The following GABRG3 variants were observed in gnomAD, a reference collection of about 807,000 sequenced individuals.
GABRG3 encodes gamma-aminobutyric acid receptor subunit gamma-3.
In GABRG3, 25 loss-of-function variants were observed where a neutral mutation model predicts 48.8. That is an observed-to-expected ratio of 0.51 (90% CI 0.37 to 0.72). GABRG3 has a LOEUF of 0.72. GABRG3 is among the 30% of genes least tolerant of loss of function. The pLI is 0.00. For synonymous variants in GABRG3, 227 were observed against 217.6 expected (o/e 1.04, Z -0.38); for missense variants, 394 against 577.9 (o/e 0.68, Z 3.26).
At chr15:27,118,770 G>C (rs1223618017) in intron 3 of GABRG3, among the ~76,000 whole-genome samples, 1 of 152,152 alleles carries the variant, frequency 6.6e-6, no homozygotes, top group African/African-American at 2.4e-5. Context: ...TGTATTATTA[G>C]GACTTTCTGG....
chr15:27,340,110 AG>A (rs1171961970), intron 5 of GABRG3, among the ~76,000 whole-genome samples: 1 of 152,080 alleles, frequency 6.6e-6, no homozygotes, highest in African/African-American at 2.4e-5. Context: ...CCCATCTGCA[AG>A]GTGGGAATGA....
chr15:27,525,165 G>T (rs1237978640), intron 7 of GABRG3, among the ~76,000 whole-genome samples: 1 of 143,142 alleles, frequency 7.0e-6, no homozygotes, highest in African/African-American at 2.6e-5. Flanking sequence ...TGTGTCAAGG[G>T]CATTGTGCTG....
chr15:27,052,969 G>C (rs1896480272), intron 3 of GABRG3, among the ~76,000 whole-genome samples: 1 of 152,176 alleles, frequency 6.6e-6, no homozygotes, highest in Non-Finnish European at 1.5e-5. Flanking sequence ...ACATGCGGAA[G>C]AATGAAACTG....
intron 5 of GABRG3, among the ~76,000 whole-genome samples, chr15:27,448,427 G>T (rs1889007642): frequency 6.6e-6 from 1 of 152,172 alleles, no homozygotes; most frequent in African/African-American, 2.4e-5. Flanking sequence ...CCCATTTCAT[G>T]TGAATACCAC....
chr15:27,438,009 A>C (rs1298406970), intron 5 of GABRG3, among the ~76,000 whole-genome samples: 2 of 152,180 alleles, frequency 1.3e-5, no homozygotes, highest in African/African-American at 4.8e-5. Context: ...TTCATGAGGG[A>C]TCCATCCCAC....
intron 5 of GABRG3, among the ~76,000 whole-genome samples, chr15:27,359,301 T>C (rs1486520857): frequency 6.6e-6 from 1 of 152,268 alleles, no homozygotes; most frequent in Non-Finnish European, 1.5e-5. Flanking sequence ...ACAAGCTGCT[T>C]TGCTTAAAAT....
intron 3 of GABRG3, among the ~76,000 whole-genome samples, chr15:27,252,165 C>T (rs1302754440): frequency 6.6e-6 from 1 of 152,086 alleles, no homozygotes; most frequent in Non-Finnish European, 1.5e-5. Flanking sequence ...AATCGGGGGA[C>T]ATAAGGATGA....
intron 3 of GABRG3, among the ~76,000 whole-genome samples, chr15:27,175,998 G>A (rs1389809211): frequency 1.1e-4 from 16 of 150,866 alleles, no homozygotes; most frequent in Non-Finnish European, 2.2e-4. Context: ...CATCAAGCTG[G>A]GATTCTGGCC....
intron 3 of GABRG3, among the ~76,000 whole-genome samples, chr15:27,262,737 A>C (rs1890803571): frequency 6.6e-6 from 1 of 152,248 alleles, no homozygotes; most frequent in Non-Finnish European, 1.5e-5. Context: ...AATGATTTTG[A>C]GAAAATGGAG....
intron 2 of GABRG3, 121 bp downstream of exon 2, chr15:26,977,271 C>A: frequency 9.9e-7 from 1 of 1,014,844 alleles, no homozygotes; most frequent in Non-Finnish European, 1.4e-6. Flanking sequence ...GTTTCCTGTA[C>A]TTGTCACACA....
chr15:27,401,547 A>T (rs1202900216), intron 5 of GABRG3, among the ~76,000 whole-genome samples: 1 of 152,158 alleles, frequency 6.6e-6, no homozygotes, highest in Non-Finnish European at 1.5e-5. Context: ...AGATATTTAA[A>T]TTTCTCCCTC....
intron 3 of GABRG3, among the ~76,000 whole-genome samples, chr15:27,081,031 C>T (rs372211287): frequency 1.7e-3 from 258 of 152,288 alleles, no homozygotes; most frequent in African/African-American, 3.7e-3. Flanking sequence ...TGGTCCCTAA[C>T]GGGTGGCTGA....
chr15:27,155,069 T>A (rs1476868925), intron 3 of GABRG3, among the ~76,000 whole-genome samples: 3 of 152,144 alleles, frequency 2.0e-5, no homozygotes, highest in Non-Finnish European at 4.4e-5. Flanking sequence ...CTGTTTATTT[T>A]TTCAGTCTGT....
At chr15:26,986,622 T>C (rs759090269) in intron 2 of GABRG3, among the ~76,000 whole-genome samples, 4 of 152,202 alleles carry the variant, frequency 2.6e-5, no homozygotes, top group Non-Finnish European at 5.9e-5. Flanking sequence ...ATTAAAAATA[T>C]GTGCTGGATT....
At chr15:27,324,556 C>T (rs754222785) in intron 3 of GABRG3, among the ~76,000 whole-genome samples, 2 of 152,216 alleles carry the variant, frequency 1.3e-5, no homozygotes, top group Non-Finnish European at 1.5e-5. Flanking sequence ...TTGGATAATA[C>T]ACCTCCTTTG....
At chr15:27,219,955 G>C (rs17648549) in intron 3 of GABRG3, among the ~76,000 whole-genome samples, 50 of 152,116 alleles carry the variant, frequency 3.3e-4, no homozygotes, top group African/African-American at 1.2e-3. Context: ...TAGTTAGTAG[G>C]GGATGCTTCT....
At chr15:27,049,236 G>A (rs1896415221) in intron 3 of GABRG3, among the ~76,000 whole-genome samples, 1 of 152,234 alleles carries the variant, frequency 6.6e-6, no homozygotes, top group Non-Finnish European at 1.5e-5. Context: ...CACAAATTAT[G>A]TAGGCAGCCC....
chr15:27,217,279 AAT>A (rs1310445745), intron 3 of GABRG3, among the ~76,000 whole-genome samples: 3 of 152,194 alleles, frequency 2.0e-5, no homozygotes, highest in Non-Finnish European at 2.9e-5. Context: ...CCAAATGACC[AAT>A]TCATTTCAAT....
chr15:27,532,462 A>C, intron 9 of GABRG3, 138 bp from the exon 10 acceptor site: 1 of 626,448 alleles, frequency 1.6e-6, no homozygotes, highest in Non-Finnish European at 2.5e-6. Flanking sequence ...AACTCTCTCC[A>C]GCATGGGGGG....
Sources: allele counts gnomAD v4.1 joint callset (sites outside exome capture counted in the v4.1 genomes callset), GRCh38; gene constraint gnomAD v4.1.1; transcripts MANE v1.5; gene names NCBI Gene and HGNC (gene_info 2026-07-23, HGNC 2026-07-21).